RANBP9: variants seen among roughly 807,000 people sequenced by gnomAD.
The protein encoded by RANBP9 is ran-binding protein 9.
In RANBP9, 15 loss-of-function variants were observed where a neutral mutation model predicts 84.3. That is an observed-to-expected ratio of 0.18 (90% confidence interval 0.12 to 0.27). The LOEUF (loss-of-function observed/expected upper bound fraction) is 0.27. Among genes scored for constraint, RANBP9 ranks in the 10% least tolerant of loss-of-function variants. The pLI is 1.00. For synonymous variants in RANBP9, 392 were observed against 349.6 expected, an observed-to-expected ratio of 1.12 and a Z score of -1.35; for missense variants, 809 against 912.8, an observed-to-expected ratio of 0.89 and a Z score of 1.46.
At chr6:13,633,774 A>G (rs1431110364) in intron 11 of RANBP9, among the ~76,000 whole-genome samples, 1 of 152,236 alleles carries the variant, frequency 6.6e-6, no homozygotes, top group Non-Finnish European at 1.5e-5. Flanking sequence ...TAACATTGCC[A>G]TGGAATTCCA....
chr6:13,697,296 T>C (rs1757860708), intron 1 of RANBP9, among the ~76,000 whole-genome samples: 1 of 152,238 alleles, frequency 6.6e-6, no homozygotes, highest in Admixed American at 6.5e-5. Context: ...CTGTACACTC[T>C]TGCCAAAGTC....
intron 1 of RANBP9, among the ~76,000 whole-genome samples, chr6:13,704,439 G>T (rs977617443): frequency 6.6e-6 from 1 of 151,976 alleles, no homozygotes; most frequent in South Asian, 2.1e-4. Flanking sequence ...ACCAGCCTGG[G>T]CAACATGGCA....
At chr6:13,665,777 A>T (rs1298522854) in intron 2 of RANBP9, among the ~76,000 whole-genome samples, 1 of 152,238 alleles carries the variant, frequency 6.6e-6, no homozygotes, top group Non-Finnish European at 1.5e-5. Flanking sequence ...TCTACTCAGC[A>T]ACAAAAACAA....
intron 1 of RANBP9, among the ~76,000 whole-genome samples, chr6:13,702,106 C>T (rs1757989646): frequency 6.6e-6 from 1 of 152,180 alleles, no homozygotes; most frequent in African/African-American, 2.4e-5. Flanking sequence ...AAATCATTGT[C>T]AGTAATGTAC....
intron 2 of RANBP9, among the ~76,000 whole-genome samples, chr6:13,681,265 G>A (rs949891943): frequency 1.4e-4 from 22 of 152,086 alleles, no homozygotes; most frequent in Admixed American, 6.5e-5. Flanking sequence ...GTTGGGGGTG[G>A]GAGGAGGGTT....
intron 12 of RANBP9, among the ~76,000 whole-genome samples, chr6:13,629,190 A>G (rs778865421): frequency 9.2e-4 from 140 of 152,320 alleles, no homozygotes; most frequent in Non-Finnish European, 1.7e-3. Flanking sequence ...AGCTCACTGC[A>G]GCCTCGAGCT....
At chr6:13,642,695 C>T in intron 6 of RANBP9, 104 bp from the exon 7 acceptor site, 1 of 670,692 alleles carries the variant, frequency 1.5e-6, no homozygotes, top group Non-Finnish European at 2.3e-6. Flanking sequence ...AAAAACGAAC[C>T]TATTTCCTTG....
chr6:13,658,566 C>T (rs6459003), intron 3 of RANBP9, among the ~76,000 whole-genome samples: 59,173 of 152,032 alleles, frequency 0.39, 11,881 homozygotes, highest in Admixed American at 0.5. Flanking sequence ...GCCAAAACTG[C>T]GCCACTGCCC....
intron 2 of RANBP9, among the ~76,000 whole-genome samples, chr6:13,665,330 C>A (rs1053389930): frequency 2.0e-5 from 3 of 151,986 alleles, no homozygotes; most frequent in African/African-American, 7.3e-5. Flanking sequence ...AACAAAAGGT[C>A]TGAATAGATA....
At chr6:13,644,448 A>C (rs965585799) in intron 6 of RANBP9, 97 bp downstream of exon 6, 43 of 1,225,308 alleles carry the variant, frequency 3.5e-5, no homozygotes, top group Non-Finnish European at 4.8e-5. Context: ...CAGTATATAA[A>C]TTAGTGGATT....
intron 2 of RANBP9, among the ~76,000 whole-genome samples, chr6:13,679,689 G>A (rs1765983913): frequency 6.6e-6 from 1 of 151,980 alleles, no homozygotes; most frequent in Admixed American, 6.6e-5. Flanking sequence ...ATAAAAAGTA[G>A]CAACTTTAAA....
At chr6:13,631,329 C>T (rs1310293218) in intron 12 of RANBP9, among the ~76,000 whole-genome samples, 2 of 152,274 alleles carry the variant, frequency 1.3e-5, no homozygotes, top group African/African-American at 4.8e-5. Flanking sequence ...CTCTATAACA[C>T]ATCCTAGGCC....
rs563277309 is a variant in RANBP9 at position 13,710,403 on chromosome 6, C to T, written c.571+532G>A. Among the ~76,000 whole-genome samples the T allele has an allele frequency of 2.0e-3, 307 of 152,184 alleles. 3 individuals are homozygous for T. The highest frequency in any genetic ancestry group is 3.6e-3 in the Non-Finnish European group (242 of 68,008). ...AAAATATATTGATGGCAAACTTGGG[C>T]CCCTTGTCCTTTTGTCCCCCTAGAC... On this transcript the variant is annotated intron_variant, in intron 1 of 13. Coordinates refer to ENST00000011619, the MANE Select transcript of RANBP9 (RefSeq NM_005493.3).
chr6:13,706,694 TAA>T (rs1172184147), intron 1 of RANBP9, among the ~76,000 whole-genome samples: 32 of 124,286 alleles, frequency 2.6e-4, no homozygotes, highest in South Asian at 2.5e-4. Context: ...GACTCCATCT[TAA>T]AAAAAAAAAA....
intron 11 of RANBP9, among the ~76,000 whole-genome samples, chr6:13,633,244 C>G (rs1209449131): frequency 6.6e-6 from 1 of 152,186 alleles, no homozygotes; most frequent in Non-Finnish European, 1.5e-5. Context: ...CCATATTGGT[C>G]AGGCTGGTCT....
intron 10 of RANBP9, 48 bp from the exon 11 acceptor site, chr6:13,634,600 C>T (rs1383852388): frequency 1.9e-6 from 3 of 1,541,262 alleles, no homozygotes; most frequent in Non-Finnish European, 2.7e-6. Flanking sequence ...ATACTTGCAG[C>T]TTAGTTTAAA....
At chr6:13,622,648 C>T (rs1217948084) in intron 13 of RANBP9, among the ~76,000 whole-genome samples, 156 bp from the exon 14 acceptor site, 2 of 148,684 alleles carry the variant, frequency 1.3e-5, no homozygotes, top group Non-Finnish European at 2.9e-5. Flanking sequence ...AGACAGATGC[C>T]GCCTTGGACA....
At chr6:13,688,982 CAAA>C (rs1164073062) in intron 2 of RANBP9, among the ~76,000 whole-genome samples, 10 of 29,952 alleles carry the variant, frequency 3.3e-4, no homozygotes, top group Middle Eastern at 0.02. Flanking sequence ...CCCATCTCCA[CAAA>C]AAAAAAAAAA....
chr6:13,634,156 C>T (rs965023631), intron 11 of RANBP9, among the ~76,000 whole-genome samples: 1 of 152,190 alleles, frequency 6.6e-6, no homozygotes, highest in Non-Finnish European at 1.5e-5. Flanking sequence ...CCTAGAGGCT[C>T]AACACCAGTA....
Sources: gnomAD v4.1 joint callset for allele counts (sites outside exome capture counted in the v4.1 genomes callset) on GRCh38, gnomAD v4.1.1 for gene constraint, MANE v1.5 for transcripts, NCBI Gene and HGNC (gene_info 2026-07-23, HGNC 2026-07-21) for gene names.